Variants in TRANK1 observed in about 807,000 individuals in gnomAD.
The protein encoded by TRANK1 is tetratricopeptide repeat and ankyrin repeat containing 1, also known as TPR and ankyrin repeat-containing protein 1.
A neutral mutation model predicts 266.0 loss-of-function variants in TRANK1; 198 were observed. The ratio of observed to expected loss-of-function variants is 0.74; its 90% CI spans 0.66 to 0.84. TRANK1 has a LOEUF of 0.84. Among genes scored for constraint, TRANK1 ranks in the 40% least tolerant of loss-of-function variants. TRANK1 has a pLI of 0.00. For missense variants in TRANK1, 3,326 were observed against 3,634.6 expected (o/e 0.92, Z 2.18); for synonymous variants, 1,396 against 1,384.1 (o/e 1.01, Z -0.19).
At chr3:36,853,386 C>T (rs1423453329) in intron 13 of TRANK1, among the ~76,000 whole-genome samples, 1 of 152,134 alleles carries the variant, frequency 6.6e-6, no homozygotes, top group Non-Finnish European at 1.5e-5. Context: ...CATATGTATC[C>T]CCATTGCTAT....
intron 2 of TRANK1, among the ~76,000 whole-genome samples, chr3:36,907,459 A>ATTTTTTTTTTTT (rs1212991729): frequency 1.9e-5 from 2 of 104,350 alleles, no homozygotes; most frequent in African/African-American, 3.9e-5. Flanking sequence ...AAATTTATTG[A>ATTTTTTTTTTTT]TTTTTTTTTT....
chr3:36,832,167 C>A lies in TRANK1; in HGVS notation c.7416G>T (p.Lys2472Asn), dbSNP rs375398592. Reference protein sequence around the residue: ...HCGVVLARLWKNVILCLPKSY... With the variant: ...HCGVVLARLWNNVILCLPKSY... Reference sequence around the variant, plus strand: ...TCTTGGGGAGGCATAGAATGACATTCTTCCAGAGGCGGGCCAGCACCACCC... The same window carrying A: ...TCTTGGGGAGGCATAGAATGACATTATTCCAGAGGCGGGCCAGCACCACCC... The change falls in exon 22 of 24, where the codon AAG becomes AAT. Residue 2472 changes from lysine (K) to asparagine (N), a missense_variant. Coordinates refer to ENST00000645898, the MANE Select transcript of TRANK1 (RefSeq NM_001329998.2). 6 of 1,613,994 alleles carry A rather than the reference C, an allele frequency of 3.7e-6. No homozygotes were observed. The highest frequency in any genetic ancestry group is 1.7e-5 in the Admixed American group (1 of 60,030).
intron 15 of TRANK1, chr3:36,850,030 T>C (rs2078966179): frequency 1.0e-6 from 1 of 985,424 alleles, no homozygotes; most frequent in Non-Finnish European, 1.2e-6. Flanking sequence ...CATAACTGGA[T>C]TTTTCTTTCA....
intron 8 of TRANK1, among the ~76,000 whole-genome samples, chr3:36,876,964 C>T (rs2079398872): frequency 6.6e-6 from 1 of 152,140 alleles, no homozygotes. Flanking sequence ...TCTCTATGTA[C>T]CAGAGCCAAT....
intron 9 of TRANK1, among the ~76,000 whole-genome samples, chr3:36,873,757 T>C (rs1374583080): frequency 2.0e-5 from 3 of 151,910 alleles, no homozygotes; most frequent in Non-Finnish European, 4.4e-5. Flanking sequence ...GTACGTGTAT[T>C]TTAAATTGTT....
At chr3:36,918,281 G>A (rs2125644662) in intron 1 of TRANK1, among the ~76,000 whole-genome samples, 1 of 151,938 alleles carries the variant, frequency 6.6e-6, no homozygotes, top group East Asian at 1.9e-4. Flanking sequence ...GTTGTCAAAT[G>A]AATATGGAGT....
intron 9 of TRANK1, among the ~76,000 whole-genome samples, chr3:36,872,678 A>G (rs1233726343): frequency 3.9e-5 from 6 of 152,222 alleles, no homozygotes; most frequent in Non-Finnish European, 8.8e-5. Flanking sequence ...TGGGAAGAGA[A>G]AAGGAGATAG....
intron 1 of TRANK1, among the ~76,000 whole-genome samples, chr3:36,932,512 G>A (rs12497643): frequency 0.45 from 67,894 of 152,014 alleles, 16,354 homozygotes; most frequent in Non-Finnish European, 0.54. Context: ...GCAGTGAGCC[G>A]AGATCGCACC....
intron 18 of TRANK1, among the ~76,000 whole-genome samples, chr3:36,841,564 T>C (rs113811872): frequency 1.3e-5 from 2 of 152,328 alleles, no homozygotes; most frequent in African/African-American, 4.8e-5. Context: ...AACTGCCAGA[T>C]GGGATTGCTC....
intron 11 of TRANK1, among the ~76,000 whole-genome samples, chr3:36,859,780 A>G (rs1263760875): frequency 6.6e-6 from 1 of 152,212 alleles, no homozygotes; most frequent in Non-Finnish European, 1.5e-5. Flanking sequence ...ATCAAGAAAT[A>G]AAACAGGAAT....
chr3:36,944,889 G>A lies in TRANK1; in HGVS notation c.-80C>T. ...CTGTGGGCAGGGCGCGGCGGGCAGT[G>A]CGGAAGCCCGAAAGCTACCGGAGCC... On this transcript the variant is annotated 5_prime_UTR_variant, in exon 1 of 24. Coordinates refer to ENST00000645898, the MANE Select transcript of TRANK1 (RefSeq NM_001329998.2). 1 of 1,339,864 alleles carries A rather than the reference G, an allele frequency of 7.5e-7. No individual in the cohort carries two copies. Among genetic ancestry groups the A allele is most frequent in the Non-Finnish European group, 9.6e-7 (1 of 1,041,742 alleles). 83.0% of individuals were successfully genotyped at this position (1,339,864 alleles called of 1,614,324 possible).
At chr3:36,866,067 A>AGAAG (rs2079217828) in intron 9 of TRANK1, among the ~76,000 whole-genome samples, 1 of 141,220 alleles carries the variant, frequency 7.1e-6, no homozygotes, top group Admixed American at 6.9e-5. Flanking sequence ...AAAGAAAGAA[A>AGAAG]GAAAGAAAGA....
At chr3:36,904,585 C>G (rs1350093073) in intron 2 of TRANK1, among the ~76,000 whole-genome samples, 1 of 151,970 alleles carries the variant, frequency 6.6e-6, no homozygotes, top group African/African-American at 2.4e-5. Flanking sequence ...ATACAAAAAT[C>G]ACTGTAGATA....
rs2079078425 is a variant in TRANK1 at position 36,857,736 on chromosome 3, G to A, written c.1986C>T (p.Ala662=). The part of the protein sequence containing the change: ...NRRRSRQDSA[A]HLGKLSKSTA... ...TGGACTTTGAGAGCTTCCCCAGGTG[G>A]GCAGCAGAGTCCTGCCGGCTCCTCC... The change falls in exon 13 of 24, where the codon GCC becomes GCT. Residue 662 remains alanine (A), a synonymous_variant. Coordinates refer to ENST00000645898, the MANE Select transcript of TRANK1 (RefSeq NM_001329998.2). The surrounding 1 kb of genome is among the most constrained non-coding windows in gnomAD (Gnocchi z 4.3). The A allele has an allele frequency of 6.2e-7, 1 of 1,613,998 alleles. No individual in the cohort carries two copies. Among genetic ancestry groups the A allele is most frequent in the African/African-American group, 1.3e-5 (1 of 75,048 alleles).
In TRANK1 at chr3:36,831,742, A is replaced by G. The variant is rs1296532388; in HGVS notation, c.7841T>C (p.Val2614Ala). The change falls in exon 22 of 24, where the codon GTG becomes GCG. Residue 2614 changes from valine (V) to alanine (A), a missense_variant. By Grantham distance (64) the Val-to-Ala change is moderately conservative. Transcript: ENST00000645898. This position sits in a 1 kb window ranked among gnomAD's most constrained non-coding sequence, Gnocchi z 5.0. ...PGQVPERLLK[V>A]VKRVLVAVNV... ...GACTGCCACCAAGACCCGCTTCACCACCTTCAGGAGCCTCTCGGGAACCTG... is the reference window on the plus strand; with the variant it reads ...GACTGCCACCAAGACCCGCTTCACCGCCTTCAGGAGCCTCTCGGGAACCTG... The G allele has an allele frequency of 6.2e-7, 1 of 1,613,502 alleles. No homozygotes were observed. The highest frequency in any genetic ancestry group is 1.3e-5 in the African/African-American group (1 of 74,786).
At chr3:36,875,231 C>T (rs1450660889) in intron 8 of TRANK1, among the ~76,000 whole-genome samples, 2 of 152,156 alleles carry the variant, frequency 1.3e-5, no homozygotes, top group Non-Finnish European at 2.9e-5. Context: ...TCCAGAGAGG[C>T]CTGACCTAAT....
At chr3:36,939,932 C>A (rs956278386) in intron 1 of TRANK1, among the ~76,000 whole-genome samples, 1 of 151,542 alleles carries the variant, frequency 6.6e-6, no homozygotes, top group African/African-American at 2.4e-5. Flanking sequence ...GCTTTGTAGC[C>A]CAGGCTTGAG....
rs139589349 is a variant in TRANK1, at chr3:36,883,675, T to C, written c.907+6154A>G. Among the ~76,000 whole-genome samples the C allele has an allele frequency of 3.1e-4, 47 of 151,986 alleles. 1 individual carries two copies. The East Asian group carries it at 8.3e-3, about 27-fold the overall frequency. On this transcript the variant is annotated intron_variant, in intron 8 of 23. Coordinates refer to ENST00000645898, the MANE Select transcript of TRANK1 (RefSeq NM_001329998.2). Reference sequence around the variant, plus strand: ...GCAGGCGGCAGAAAGGAGGAGGAAATGGAAATGGCCAGGGTGCAAGGATGA... The same window carrying C: ...GCAGGCGGCAGAAAGGAGGAGGAAACGGAAATGGCCAGGGTGCAAGGATGA...
At chr3:36,918,564 TAGGAAGGA>T (rs1335352179) in intron 1 of TRANK1, among the ~76,000 whole-genome samples, 8 of 15,646 alleles carry the variant, frequency 5.1e-4, no homozygotes, top group African/African-American at 6.2e-4. Flanking sequence ...GGAAGGAAGG[TAGGAAGGA>T]AGGAAGGAAG....
Sources: allele counts gnomAD v4.1 joint callset (sites outside exome capture counted in the v4.1 genomes callset), GRCh38; gene constraint gnomAD v4.1.1; non-coding constraint Gnocchi (gnomAD v3.1); transcripts MANE v1.5; gene names NCBI Gene and HGNC (gene_info 2026-07-23, HGNC 2026-07-21).